Variants in TFB2M observed in about 807,000 individuals in gnomAD.
TFB2M encodes transcription factor B2, mitochondrial.
A neutral mutation model predicts 41.3 loss-of-function variants in TFB2M; 44 were observed. The ratio of observed to expected loss-of-function variants is 1.07; its 90% CI spans 0.84 to 1.37. The LOEUF is 1.37. Ranked by LOEUF, TFB2M falls within the 40% of genes most tolerant of loss-of-function variation. The pLI, the probability that TFB2M is intolerant of heterozygous loss-of-function variation, is 0.00. For synonymous variants in TFB2M, 188 were observed against 176.8 expected, an observed-to-expected ratio of 1.06 and a Z score of -0.50; for missense variants, 496 against 490.2, an observed-to-expected ratio of 1.01 and a Z score of -0.11.
chr1:246,545,812 G>GA (rs869274564), intron 6 of TFB2M, among the ~76,000 whole-genome samples: 16,986 of 52,518 alleles, frequency 0.32, 3,372 homozygotes, highest in Non-Finnish European at 0.43. Flanking sequence ...ACCCTGATTC[G>GA]AAAAAAAAAA....
intron 4 of TFB2M, among the ~76,000 whole-genome samples, chr1:246,553,287 C>T (rs1358779466): frequency 6.6e-6 from 1 of 152,184 alleles, no homozygotes; most frequent in African/African-American, 2.4e-5. Context: ...AAATCAGTTG[C>T]ATTTTTATGC....
intron 3 of TFB2M, among the ~76,000 whole-genome samples, chr1:246,557,104 T>C (rs1274515419): frequency 6.6e-6 from 1 of 151,986 alleles, no homozygotes; most frequent in Admixed American, 6.6e-5. Context: ...TGAAACCCCG[T>C]CTCTACCAAA....
intron 4 of TFB2M, among the ~76,000 whole-genome samples, chr1:246,555,992 T>C (rs911364451): frequency 1.3e-5 from 2 of 152,126 alleles, no homozygotes; most frequent in Admixed American, 1.3e-4. Flanking sequence ...GGTTTTGCCA[T>C]GTTAGCCAAA....
intron 1 of TFB2M, among the ~76,000 whole-genome samples, chr1:246,565,160 A>G (rs546918767): frequency 6.6e-6 from 1 of 152,382 alleles, no homozygotes; most frequent in Admixed American, 6.5e-5. Flanking sequence ...TTAAAAAACT[A>G]TCATTCAAAA....
chr1:246,552,646 C>G (rs967026808), intron 4 of TFB2M, among the ~76,000 whole-genome samples: 1 of 151,794 alleles, frequency 6.6e-6, no homozygotes, highest in Non-Finnish European at 1.5e-5. Flanking sequence ...CTGCAGTGAG[C>G]TATGAACATA....
chr1:246,561,500 TC>T (rs1466903460), intron 2 of TFB2M, among the ~76,000 whole-genome samples: 1 of 152,200 alleles, frequency 6.6e-6, no homozygotes, highest in Non-Finnish European at 1.5e-5. Flanking sequence ...TGAGTTTTGC[TC>T]CTGTAGCCCA....
rs373977647 is a variant in TFB2M, at chr1:246,541,011, C to A, written c.*20G>T. 6.1e-5 allele frequency: 97 copies of A among 1,578,322 alleles called. No homozygotes were observed. The African/African-American group carries it at 1.2e-3, about 20-fold the overall frequency. ...TTTCCAAATAAATGAACCGCTCCAC[C>A]AAAAACGACAGTCTAGTTGCTACCT... On this transcript the variant is annotated 3_prime_UTR_variant, in exon 8 of 8. Transcript: ENST00000366514.
intron 7 of TFB2M, among the ~76,000 whole-genome samples, chr1:246,541,863 A>C (rs3120697): frequency 0.24 from 36,738 of 152,186 alleles, 4,878 homozygotes; most frequent in Middle Eastern, 0.43. Context: ...TGTAACCATC[A>C]TTGGTAAATA....
intron 7 of TFB2M, 83 bp from the exon 8 acceptor site, chr1:246,541,285 T>A (rs1658848919): frequency 2.2e-6 from 3 of 1,368,720 alleles, no homozygotes; most frequent in Non-Finnish European, 2.0e-6. Flanking sequence ...GCTTCTAAGT[T>A]GAATTCAAAA....
chr1:246,554,663 C>T (rs1659273267), intron 4 of TFB2M, among the ~76,000 whole-genome samples: 1 of 152,022 alleles, frequency 6.6e-6, no homozygotes, highest in Non-Finnish European at 1.5e-5. Context: ...TTATATATTA[C>T]AATGTAATAA....
rs1044474003 is a variant in TFB2M, at chr1:246,565,808, C to T, written c.313+18G>A. The T allele has an allele frequency of 1.3e-6, 2 of 1,586,244 alleles. No individual in the cohort carries two copies. The highest frequency in any genetic ancestry group is 1.3e-5 in the African/African-American group (1 of 74,440). On this transcript the variant is annotated intron_variant, in intron 1 of 7. Coordinates refer to ENST00000366514, the MANE Select transcript of TFB2M (RefSeq NM_022366.3). Reference sequence around the variant, plus strand: ...TAAATGATGAACATCCAAGAAAATGCAATTCAGCTGGACTCACCTGGATTG... The same window carrying T: ...TAAATGATGAACATCCAAGAAAATGTAATTCAGCTGGACTCACCTGGATTG...
rs536784978 is a variant in TFB2M, at chr1:246,540,788, C to T, written c.*243G>A. The T allele has an allele frequency of 3.0e-5, 11 of 363,572 alleles. No individual in the cohort carries two copies. The highest frequency in any genetic ancestry group is 1.4e-4 in the South Asian group (2 of 13,922). The allele number at this position is 363,572 out of a possible 1,614,324, so 22.5% of individuals were successfully genotyped here. On this transcript the variant is annotated 3_prime_UTR_variant, in exon 8 of 8. Coordinates refer to ENST00000366514, the MANE Select transcript of TFB2M (RefSeq NM_022366.3). ...ATTTAAATAGGAATCTGAAACAAAA[C>T]GAATTCAATCTGATCAAATCCACAA...
intron 4 of TFB2M, 64 bp downstream of exon 4, chr1:246,556,509 T>C (rs1659324062): frequency 8.0e-7 from 1 of 1,242,506 alleles, no homozygotes; most frequent in Non-Finnish European, 1.1e-6. Context: ...ATCGCACAGA[T>C]TAAGAGTACT....
At chr1:246,542,375 G>GC (rs1658883508) in intron 7 of TFB2M, among the ~76,000 whole-genome samples, 7 of 151,812 alleles carry the variant, frequency 4.6e-5, no homozygotes, top group Admixed American at 4.6e-4. Context: ...AACAACAATT[G>GC]TAAAAAAATA....
chr1:246,548,492 T>G, intron 6 of TFB2M, 53 bp downstream of exon 6: 2 of 1,489,280 alleles, frequency 1.3e-6, no homozygotes, highest in Non-Finnish European at 9.1e-7. Context: ...AAAAATAAAA[T>G]AAAAAATACG....
chr1:246,543,443 C>T (rs995869306), intron 7 of TFB2M, among the ~76,000 whole-genome samples: 2 of 152,134 alleles, frequency 1.3e-5, no homozygotes, highest in Non-Finnish European at 1.5e-5. Context: ...ACACTACTTA[C>T]AGAGATGTAT....
intron 4 of TFB2M, among the ~76,000 whole-genome samples, chr1:246,554,895 CAATT>C (rs1286238944): frequency 1.3e-5 from 2 of 151,982 alleles, no homozygotes; most frequent in African/African-American, 4.8e-5. Context: ...TCAAAGGACA[CAATT>C]AACAGGGTTA....
intron 7 of TFB2M, 112 bp from the exon 8 acceptor site, chr1:246,541,314 A>T: frequency 9.9e-7 from 1 of 1,005,274 alleles, no homozygotes; most frequent in Non-Finnish European, 1.5e-6. Context: ...TTAGGCATAC[A>T]GAGTGCTATA....
intron 1 of TFB2M, among the ~76,000 whole-genome samples, chr1:246,565,159 T>C (rs1486144519): frequency 6.6e-6 from 1 of 152,226 alleles, no homozygotes; most frequent in Non-Finnish European, 1.5e-5. Flanking sequence ...TTTAAAAAAC[T>C]ATCATTCAAA....
Sources: gnomAD v4.1 joint callset for allele counts (sites outside exome capture counted in the v4.1 genomes callset) on GRCh38, gnomAD v4.1.1 for gene constraint, MANE v1.5 for transcripts, NCBI Gene and HGNC (gene_info 2026-07-23, HGNC 2026-07-21) for gene names.